The following MYH9 variants were observed in gnomAD, a reference collection of about 807,000 sequenced individuals.
MYH9 encodes the protein myosin heavy chain 9.
MYH9 carries 29 observed loss-of-function variants against 241.9 expected under a neutral mutation model. The observed-to-expected ratio is 0.12, with a 90% CI of 0.09 to 0.16. MYH9 has a LOEUF of 0.16. MYH9 is among the 10% of genes least tolerant of loss of function. MYH9 has a pLI of 1.00. For synonymous variants in MYH9, 1,047 were observed against 1,062.6 expected (o/e 0.99, Z 0.29); for missense variants, 1,803 against 2,595.5 (o/e 0.69, Z 6.63).
intron 1 of MYH9, among the ~76,000 whole-genome samples, chr22:36,355,000 C>CACACACACACACAG (rs3220842): frequency 8.0e-5 from 12 of 149,906 alleles, no homozygotes; most frequent in African/African-American, 3.0e-4. Context: ...CACACACACA[C>CACACACACACACAG]AGAGGAAAGA....
rs2017442397 is a variant in MYH9 at position 36,332,679 on chromosome 22, A to AC, written c.491-5192_491-5191insG. ...GGATAATTAAAAAAAAAAAAAAAAA[A>AC]AAAAAAAAAAACCTCAAGGTATTGC... On this transcript the variant is annotated intron_variant, in intron 3 of 40. Transcript: ENST00000216181. 2.0e-5 allele frequency among the ~76,000 whole-genome samples: 3 copies of AC among 151,250 alleles called. 1 individual carries two copies. Among genetic ancestry groups the AC allele is most frequent in the Admixed American group, 6.6e-5 (1 of 15,200 alleles).
chr22:36,316,731 T>A (rs2017158957), intron 11 of MYH9, 62 bp from the exon 12 acceptor site: 4 of 1,596,464 alleles, frequency 2.5e-6, no homozygotes, highest in Non-Finnish European at 3.4e-6. Flanking sequence ...CCTCATACCC[T>A]ATGCCCCAGT....
intron 1 of MYH9, among the ~76,000 whole-genome samples, chr22:36,367,632 C>G (rs1008570905): frequency 2.0e-5 from 3 of 152,228 alleles, no homozygotes; most frequent in Admixed American, 2.0e-4. Flanking sequence ...CTTGAGCAGG[C>G]AGCCTGGCCG....
intron 5 of MYH9, among the ~76,000 whole-genome samples, chr22:36,323,965 G>A (rs748794479): frequency 1.2e-4 from 19 of 152,212 alleles, no homozygotes; most frequent in Admixed American, 5.2e-4. Context: ...CTGGGAAGTC[G>A]GCTGAGGCAG....
chr22:36,295,436 T>C lies in MYH9; in HGVS notation c.3485+69A>G. ...TGTGTGTGTGTGCAGAGGCCCGGGG[T>C]CCATGTCTCCAAGCCAAGGCCCCCC... is the stretch of plus-strand genomic sequence containing the variant. On this transcript the variant is annotated intron_variant, in intron 26 of 40. Transcript: ENST00000216181. The surrounding 1 kb of genome is among the most constrained non-coding windows in gnomAD (Gnocchi z 4.1). 2 of 1,257,396 alleles carry C rather than the reference T, an allele frequency of 1.6e-6. No homozygotes were observed. The highest frequency in any genetic ancestry group is 2.4e-5 in the East Asian group (1 of 40,850). The allele number at this position is 1,257,396 out of a possible 1,614,324, so 77.9% of individuals were successfully genotyped here.
At chr22:36,386,744 G>C (rs899121668) in intron 1 of MYH9, among the ~76,000 whole-genome samples, 2 of 152,242 alleles carry the variant, frequency 1.3e-5, no homozygotes, top group African/African-American at 4.8e-5. Context: ...GCTAGTGCTG[G>C]GGGTGCTGAG....
chr22:36,293,346 C>T lies in MYH9; in HGVS notation c.4078G>A (p.Ala1360Thr), dbSNP rs569649580. ...CTCCAAACCTGGGCATGGAGGGTGG[C>T]GATCTGCTTCTCCAGGTTGTGCTTG... The part of the protein sequence containing the change: ...EAKHNLEKQI[A>T]TLHAQVADMK... The change falls in exon 30 of 41, where the codon GCC becomes ACC. Residue 1360 changes from alanine (A) to threonine (T), a missense_variant. By Grantham distance (58) the Ala-to-Thr change is moderately conservative (BLOSUM62 0). Coordinates refer to ENST00000216181, the MANE Select transcript of MYH9 (RefSeq NM_002473.6). This position sits in a 1 kb window ranked among gnomAD's most constrained non-coding sequence, Gnocchi z 5.1. 9.9e-6 allele frequency: 16 copies of T among 1,614,044 alleles called. No homozygotes were observed. Among genetic ancestry groups the T allele is most frequent in the African/African-American group, 8.0e-5 (6 of 75,064 alleles).
chr22:36,285,548 C>T lies in MYH9; in HGVS notation c.5274+110G>A. ...GTGCCTGGACATTTTCCCCTAAGCG[C>T]CTGGGGAGCAGCTGGCACTTGGCCT... On this transcript the variant is annotated intron_variant, in intron 37 of 40. Coordinates refer to ENST00000216181, the MANE Select transcript of MYH9 (RefSeq NM_002473.6). This position sits in a 1 kb window ranked among gnomAD's most constrained non-coding sequence, Gnocchi z 7.0. 1 of 1,541,672 alleles carries T rather than the reference C, an allele frequency of 6.5e-7. No individual in the cohort carries two copies. Among genetic ancestry groups the T allele is most frequent in the South Asian group, 1.1e-5 (1 of 87,350 alleles).
At chr22:36,358,020 G>A (rs2017882437) in intron 1 of MYH9, among the ~76,000 whole-genome samples, 1 of 152,200 alleles carries the variant, frequency 6.6e-6, no homozygotes, top group Non-Finnish European at 1.5e-5. Context: ...ATGATTAACG[G>A]AAGACAAGCG....
At chr22:36,374,645 C>T (rs1422763215) in intron 1 of MYH9, among the ~76,000 whole-genome samples, 3 of 152,340 alleles carry the variant, frequency 2.0e-5, no homozygotes, top group African/African-American at 4.8e-5. Flanking sequence ...AACCAGAGGG[C>T]GCAGGCCGCG....
chr22:36,384,950 C>A (rs138912986), intron 1 of MYH9, among the ~76,000 whole-genome samples: 1 of 151,940 alleles, frequency 6.6e-6, no homozygotes, highest in Non-Finnish European at 1.5e-5. Flanking sequence ...AGGACTCCAG[C>A]CCAGGGTCTC....
chr22:36,353,102 C>CAA (rs2017795926), intron 1 of MYH9, among the ~76,000 whole-genome samples: 18 of 142,876 alleles, frequency 1.3e-4, no homozygotes, highest in African/African-American at 4.4e-4. Context: ...CCTCTGGGGG[C>CAA]GTGTGTGTGT....
In MYH9 at chr22:36,374,894, T is replaced by C. The variant is rs566748156; in HGVS notation, c.-20+12913A>G. On this transcript the variant is annotated intron_variant, in intron 1 of 40. Transcript: ENST00000216181. ...CCTGCGTCTGGGCAACTGAACGAGG[T>C]CCCACCCCTGCTCCCTGGACTTGCC... is the stretch of plus-strand genomic sequence containing the variant. Among the ~76,000 whole-genome samples the C allele has an allele frequency of 4.6e-5, 7 of 152,166 alleles. No homozygotes were observed. The East Asian group carries it at 1.4e-3, about 29-fold the overall frequency.
intron 2 of MYH9, among the ~76,000 whole-genome samples, chr22:36,342,944 T>C (rs906173283): frequency 1.2e-4 from 19 of 152,176 alleles, no homozygotes; most frequent in African/African-American, 4.6e-4. Context: ...TTCCAACCTT[T>C]TGTTTTCTCC....
intron 38 of MYH9, 47 bp from the exon 39 acceptor site, chr22:36,284,558 G>A: frequency 6.3e-7 from 1 of 1,582,646 alleles, no homozygotes; most frequent in Non-Finnish European, 8.6e-7. Context: ...TCCTTCAGAG[G>A]GTCCGGCCAA....
rs1187864509 is a variant in MYH9 at position 36,305,813 on chromosome 22, G to A, written c.2159+117C>T. On this transcript the variant is annotated intron_variant, in intron 17 of 40. Transcript: ENST00000216181. The surrounding 1 kb of genome is among the most constrained non-coding windows in gnomAD (Gnocchi z 4.7). The stretch of plus-strand genomic sequence containing the variant: ...GAGCTGGCCAGACTCAGTTCTACAT[G>A]GATGGAGGACGTCGCTCCCTCACGA... 3 of 1,446,602 alleles carry A rather than the reference G, an allele frequency of 2.1e-6. No homozygotes were observed. Among genetic ancestry groups the A allele is most frequent in the Non-Finnish European group, 2.9e-6 (3 of 1,038,742 alleles). 89.6% of individuals were successfully genotyped at this position (1,446,602 alleles called of 1,614,324 possible).
At chr22:36,315,408 C>A (rs1293870285) in intron 12 of MYH9, among the ~76,000 whole-genome samples, 1 of 152,120 alleles carries the variant, frequency 6.6e-6, no homozygotes, top group African/African-American at 2.4e-5. Context: ...CTGTAAGTAT[C>A]GGTTTCCCTA....
intron 10 of MYH9, among the ~76,000 whole-genome samples, chr22:36,318,767 C>CTT (rs993771157): frequency 6.8e-6 from 1 of 146,084 alleles, no homozygotes; most frequent in Non-Finnish European, 1.5e-5. Context: ...ACAGGAATGT[C>CTT]TTTTTTTTTT....
At chr22:36,371,500 T>C in intron 1 of MYH9, among the ~76,000 whole-genome samples, 1 of 152,164 alleles carries the variant, frequency 6.6e-6, no homozygotes, top group East Asian at 1.9e-4. Flanking sequence ...CACACAATCT[T>C]GTACTTCATC....
Sources: gnomAD v4.1 joint callset for allele counts (sites outside exome capture counted in the v4.1 genomes callset) on GRCh38, gnomAD v4.1.1 for gene constraint, Gnocchi (gnomAD v3.1) non-coding constraint, MANE v1.5 for transcripts, NCBI Gene and HGNC (gene_info 2026-07-23, HGNC 2026-07-21) for gene names.